The following XKR6 variants were observed in gnomAD, a reference collection of about 807,000 sequenced individuals.
The protein encoded by XKR6 is XK-related protein 6.
Under a neutral mutation model 56.7 loss-of-function variants are expected in XKR6, and 22 were observed. That is an observed-to-expected ratio of 0.39 (90% CI 0.28 to 0.55). The LOEUF (loss-of-function observed/expected upper bound fraction) is 0.55. Among genes scored for constraint, XKR6 ranks in the 20% least tolerant of loss-of-function variants. The probability of loss-of-function intolerance (pLI) is 0.66; values close to 1 mark genes in which losing one functional copy is unlikely to be tolerated. For synonymous variants in XKR6, 524 were observed against 387.8 expected (o/e 1.35, Z -4.13); for missense variants, 852 against 889.0 (o/e 0.96, Z 0.53).
intron 1 of XKR6, among the ~76,000 whole-genome samples, chr8:10,969,204 T>C (rs1421080360): frequency 6.6e-6 from 1 of 152,174 alleles, no homozygotes; most frequent in Non-Finnish European, 1.5e-5. Flanking sequence ...AAGCAGGTGC[T>C]CTTAGCTGCC....
intron 1 of XKR6, among the ~76,000 whole-genome samples, chr8:10,929,725 G>GC (rs1330026542): frequency 6.6e-6 from 1 of 152,170 alleles, no homozygotes; most frequent in African/African-American, 2.4e-5. Context: ...ATACCATAGT[G>GC]CCCCCTCAGA....
intron 2 of XKR6, 119 bp from the exon 3 acceptor site, chr8:10,899,035 G>T: frequency 7.0e-7 from 1 of 1,436,590 alleles, no homozygotes; most frequent in Non-Finnish European, 9.3e-7. Flanking sequence ...GAGGGAGAAA[G>T]AAACACAGAA....
intron 1 of XKR6, among the ~76,000 whole-genome samples, chr8:10,977,793 C>T (rs1802611405): frequency 6.6e-6 from 1 of 151,632 alleles, no homozygotes; most frequent in South Asian, 2.1e-4. Flanking sequence ...AGTAATAGCA[C>T]ATACCTTCCA....
chr8:10,939,239 A>AGGGC (rs1801315442), intron 1 of XKR6, among the ~76,000 whole-genome samples: 1 of 152,208 alleles, frequency 6.6e-6, no homozygotes, highest in Admixed American at 6.5e-5. Flanking sequence ...GAAGGAAGGA[A>AGGGC]GGGCAGGAAG....
chr8:11,100,907 C>T lies in XKR6; in HGVS notation c.764+99669G>A, dbSNP rs74756145. On this transcript the variant is annotated intron_variant, in intron 1 of 2. Coordinates refer to ENST00000416569, the MANE Select transcript of XKR6 (RefSeq NM_173683.4). ...AATGTGATTTATGGGAAGGTGCTGC[C>T]GGGGGCATGCACTTTATGGGCAGGT... Among the ~76,000 whole-genome samples the T allele has an allele frequency of 6.8e-3, 1,028 of 152,212 alleles. 11 individuals carry two copies. Among genetic ancestry groups the T allele is most frequent in the African/African-American group, 0.024 (1,000 of 41,526 alleles).
At chr8:10,974,137 G>A (rs936324512) in intron 1 of XKR6, among the ~76,000 whole-genome samples, 1 of 152,230 alleles carries the variant, frequency 6.6e-6, no homozygotes, top group African/African-American at 2.4e-5. Context: ...GGAGATGGTG[G>A]GGGAGGAAGA....
At chr8:11,154,181 C>T (rs1160994249) in intron 1 of XKR6, among the ~76,000 whole-genome samples, 1 of 152,160 alleles carries the variant, frequency 6.6e-6, no homozygotes, top group African/African-American at 2.4e-5. Flanking sequence ...ATGAGAAGGA[C>T]CAATCATGTG....
intron 1 of XKR6, among the ~76,000 whole-genome samples, chr8:11,078,389 C>G (rs1327625088): frequency 6.6e-6 from 1 of 152,198 alleles, no homozygotes; most frequent in East Asian, 1.9e-4. Context: ...TGCTGGCACA[C>G]AGCTTTTAAA....
At chr8:10,932,519 C>A (rs1234182301) in intron 1 of XKR6, among the ~76,000 whole-genome samples, 2 of 143,158 alleles carry the variant, frequency 1.4e-5, no homozygotes, top group Admixed American at 6.8e-5. Flanking sequence ...CGGTGCGCTG[C>A]ACCCACTAAC....
rs138712877 is a variant in XKR6 at position 11,030,450 on chromosome 8, C to A, written c.765-105620G>T. ...TGCCCTCCAGTGAGGAGGTGTCCAG[C>A]AATCCTCAGATTGCATACCCTTGAT... On this transcript the variant is annotated intron_variant, in intron 1 of 2. Coordinates refer to ENST00000416569, the MANE Select transcript of XKR6 (RefSeq NM_173683.4). 7.9e-5 allele frequency among the ~76,000 whole-genome samples: 12 copies of A among 152,336 alleles called. No individual in the cohort carries two copies. The East Asian group carries it at 2.3e-3, about 29-fold the overall frequency.
At chr8:11,033,420 G>A (rs1171785270) in intron 1 of XKR6, among the ~76,000 whole-genome samples, 3 of 151,740 alleles carry the variant, frequency 2.0e-5, no homozygotes, top group East Asian at 1.9e-4. Flanking sequence ...TGATGATGAT[G>A]ATGATGATGG....
intron 1 of XKR6, among the ~76,000 whole-genome samples, chr8:11,024,265 A>C (rs1798814225): frequency 1.4e-5 from 2 of 142,098 alleles, no homozygotes; most frequent in South Asian, 4.5e-4. Flanking sequence ...TTCTCCATCC[A>C]AGTGTTTACT....
intron 1 of XKR6, among the ~76,000 whole-genome samples, chr8:10,938,122 G>A (rs1042293001): frequency 7.9e-5 from 12 of 152,176 alleles, no homozygotes; most frequent in African/African-American, 2.9e-4. Flanking sequence ...TTTTTAAGCC[G>A]GTCTGAAAAG....
rs1563309729 is a variant in XKR6, at chr8:10,954,866, C to CTCTTTTTTTTTTTTT, written c.765-30037_765-30036insAAAAAAAAAAAAAGA. Among the ~76,000 whole-genome samples the CTCTTTTTTTTTTTTT allele has an allele frequency of 8.2e-4, 76 of 92,784 alleles. No individual in the cohort carries two copies. In the South Asian group the frequency reaches 8.6e-3, roughly 10 times the overall value. 60.9% of individuals were successfully genotyped at this position (92,784 alleles called of 152,430 possible). On this transcript the variant is annotated intron_variant, in intron 1 of 2. Coordinates refer to ENST00000416569, the MANE Select transcript of XKR6 (RefSeq NM_173683.4). The stretch of plus-strand genomic sequence containing the variant: ...TAAGGTAAGGGTCTAACTTCATTCT[C>CTCTTTTTTTTTTTTT]TTTTTTTTTTTTTTTTTTTTAGACA...
At chr8:11,022,998 C>T (rs1016016307) in intron 1 of XKR6, among the ~76,000 whole-genome samples, 3 of 152,172 alleles carry the variant, frequency 2.0e-5, no homozygotes, top group Non-Finnish European at 2.9e-5. Context: ...GCTGGTGCTG[C>T]GGTGTCAGCG....
At chr8:10,965,999 G>A (rs2129132233) in intron 1 of XKR6, among the ~76,000 whole-genome samples, 1 of 152,296 alleles carries the variant, frequency 6.6e-6, no homozygotes, top group Non-Finnish European at 1.5e-5. Context: ...ACTGAGCTGG[G>A]ATCCTTCTGA....
chr8:11,001,129 T>C (rs534900472), intron 1 of XKR6, among the ~76,000 whole-genome samples: 14 of 152,204 alleles, frequency 9.2e-5, no homozygotes, highest in African/African-American at 1.9e-4. Flanking sequence ...AATCCTAAAA[T>C]TGGTTGAACA....
rs540161815 is a variant in XKR6, at chr8:11,132,157, T to C, written c.764+68419A>G. 6.6e-5 allele frequency among the ~76,000 whole-genome samples: 10 copies of C among 152,202 alleles called. No homozygotes were observed. The East Asian group carries it at 1.7e-3, about 26-fold the overall frequency. ...TGCATTCCTAACAAGCTCCCAGGTA[T>C]GCCAGGCCCATACTTTGAAAAGCCT... is the stretch of plus-strand genomic sequence containing the variant. On this transcript the variant is annotated intron_variant, in intron 1 of 2. Transcript: ENST00000416569.
intron 1 of XKR6, among the ~76,000 whole-genome samples, chr8:11,059,439 C>A (rs1044061029): frequency 5.3e-5 from 8 of 152,210 alleles, no homozygotes; most frequent in African/African-American, 1.7e-4. Context: ...GCGCTCAGCT[C>A]CGCGTCCCCG....
Sources: gnomAD v4.1 joint callset for allele counts (sites outside exome capture counted in the v4.1 genomes callset) on GRCh38, gnomAD v4.1.1 for gene constraint, MANE v1.5 for transcripts, NCBI Gene and HGNC (gene_info 2026-07-23, HGNC 2026-07-21) for gene names.